The following AKR1D1 variants were observed in gnomAD, a reference collection of about 807,000 sequenced individuals.
AKR1D1 encodes the protein aldo-keto reductase family 1 member D1.
In AKR1D1, 32 loss-of-function variants were observed where a neutral mutation model predicts 42.6. The observed-to-expected ratio is 0.75, with a 90% CI of 0.57 to 1.01. The LOEUF (loss-of-function observed/expected upper bound fraction) is 1.01. AKR1D1 is among the 50% of genes least tolerant of loss of function. The pLI, the probability that AKR1D1 is intolerant of heterozygous loss-of-function variation, is 0.00. For missense variants in AKR1D1, 364 were observed against 402.2 expected, an observed-to-expected ratio of 0.91 and a Z score of 0.81; for synonymous variants, 123 against 135.5, an observed-to-expected ratio of 0.91 and a Z score of 0.64.
At chr7:138,078,275 T>A (rs1325604005) in intron 1 of AKR1D1, among the ~76,000 whole-genome samples, 1 of 152,166 alleles carries the variant, frequency 6.6e-6, no homozygotes, top group Admixed American at 6.5e-5. Context: ...AGTTGGAACT[T>A]CGTTCTATAG....
chr7:138,105,901 CAAAAAA>C (rs796444469), intron 5 of AKR1D1, among the ~76,000 whole-genome samples: 6 of 136,004 alleles, frequency 4.4e-5, no homozygotes, highest in Non-Finnish European at 6.2e-5. Flanking sequence ...ACAACAACAA[CAAAAAA>C]AAATCTAATG....
At position 138,118,089 on chromosome 7, in the gene AKR1D1, A is replaced by G. The variant is rs960050795; in HGVS notation, c.*1427A>G. Reference sequence around the variant, plus strand: ...TAGGTCACTGTCATACTGTCATAGGATGAGAGAGTTCTTCAAAAATTATGT... The same window carrying G: ...TAGGTCACTGTCATACTGTCATAGGGTGAGAGAGTTCTTCAAAAATTATGT... On this transcript the variant is annotated 3_prime_UTR_variant, in exon 9 of 9. Coordinates refer to ENST00000242375, the MANE Select transcript of AKR1D1 (RefSeq NM_005989.4). 1.3e-5 allele frequency: 2 copies of G among 152,200 alleles called. No homozygotes were observed. Among genetic ancestry groups the G allele is most frequent in the Non-Finnish European group, 2.9e-5 (2 of 68,038 alleles). The allele number at this position is 152,200 out of a possible 1,614,324, so 9.4% of individuals were successfully genotyped here. A position where few individuals can be genotyped will look rare whatever the true frequency, so the allele number is the denominator to read the frequency against.
intron 8 of AKR1D1, among the ~76,000 whole-genome samples, chr7:138,114,823 A>G (rs2035647): frequency 0.81 from 123,777 of 151,976 alleles, 50,818 homozygotes; most frequent in African/African-American, 0.91. Flanking sequence ...ATTCATCTTC[A>G]TCTTGAATCT....
At chr7:138,103,764 T>C (rs976930224) in intron 4 of AKR1D1, among the ~76,000 whole-genome samples, 6 of 152,088 alleles carry the variant, frequency 3.9e-5, no homozygotes, top group Non-Finnish European at 5.9e-5. Context: ...AAGATTGAAT[T>C]TACCAAAAAG....
chr7:138,109,182 A>G (rs893210073), intron 7 of AKR1D1, among the ~76,000 whole-genome samples: 1 of 152,242 alleles, frequency 6.6e-6, no homozygotes, highest in Non-Finnish European at 1.5e-5. Context: ...GATAGCCACA[A>G]TATTAGACAA....
intron 8 of AKR1D1, among the ~76,000 whole-genome samples, chr7:138,114,515 C>A (rs1397393923): frequency 2.0e-5 from 3 of 151,830 alleles, no homozygotes; most frequent in Non-Finnish European, 4.4e-5. Flanking sequence ...CAAAAATTAG[C>A]TGGGTGTAGT....
In AKR1D1 at chr7:138,116,802, G is replaced by A. The variant is rs1040974355; in HGVS notation, c.*140G>A. 1 of 763,434 alleles carries A rather than the reference G, an allele frequency of 1.3e-6. No individual in the cohort carries two copies. Among genetic ancestry groups the A allele is most frequent in the Non-Finnish European group, 2.2e-6 (1 of 462,330 alleles). 47.3% of individuals were successfully genotyped at this position (763,434 alleles called of 1,614,324 possible). On this transcript the variant is annotated 3_prime_UTR_variant, in exon 9 of 9. Coordinates refer to ENST00000242375, the MANE Select transcript of AKR1D1 (RefSeq NM_005989.4). ...AATGATGGAAACATGTTTAATGTTT[G>A]TGCAGTGTAAATGACTTTGACTCAG...
At chr7:138,088,451 C>A in intron 1 of AKR1D1, 150 bp from the exon 2 acceptor site, 1 of 959,966 alleles carries the variant, frequency 1.0e-6, no homozygotes, top group Non-Finnish European at 1.6e-6. Flanking sequence ...TCTCCTGCTG[C>A]TGAACACCAT....
At chr7:138,115,497 C>T (rs1189992441) in intron 8 of AKR1D1, among the ~76,000 whole-genome samples, 1 of 152,030 alleles carries the variant, frequency 6.6e-6, no homozygotes, top group Non-Finnish European at 1.5e-5. Flanking sequence ...GTTTTACAGA[C>T]AGTTGGTGAC....
intron 4 of AKR1D1, 131 bp from the exon 5 acceptor site, chr7:138,105,175 CT>C: frequency 7.7e-7 from 1 of 1,303,120 alleles, no homozygotes; most frequent in Non-Finnish European, 1.1e-6. Context: ...CCTTCTTTTA[CT>C]TTTTTTCGCA....
intron 7 of AKR1D1, 105 bp downstream of exon 7, chr7:138,107,685 T>C: frequency 8.0e-7 from 1 of 1,249,646 alleles, no homozygotes; most frequent in East Asian, 2.4e-5. Context: ...CTCTCATATT[T>C]TATTTTATAC....
At chr7:138,077,793 C>T (rs770583515) in intron 1 of AKR1D1, among the ~76,000 whole-genome samples, 4 of 152,222 alleles carry the variant, frequency 2.6e-5, no homozygotes, top group East Asian at 1.9e-4. Flanking sequence ...TTTGGCAATA[C>T]GAAGTATAGA....
intron 1 of AKR1D1, among the ~76,000 whole-genome samples, chr7:138,081,682 C>T (rs1803062023): frequency 6.6e-6 from 1 of 151,856 alleles, no homozygotes; most frequent in Admixed American, 6.6e-5. Flanking sequence ...GTGTGCACCA[C>T]AACACCCAGC....
rs185388884 is a variant in AKR1D1 at position 138,088,041 on chromosome 7, C to A, written c.94-560C>A. Among the ~76,000 whole-genome samples, 8 of 152,046 alleles carry A rather than the reference C, an allele frequency of 5.3e-5. No homozygotes were observed. In the South Asian group the frequency reaches 1.2e-3, roughly 24 times the overall value. ...AAGTAACTGGGACCACAGGCGCATG[C>A]CACCACATCCAGCTAATTACTTTAC... On this transcript the variant is annotated intron_variant, in intron 1 of 8. Coordinates refer to ENST00000242375, the MANE Select transcript of AKR1D1 (RefSeq NM_005989.4).
intron 2 of AKR1D1, 89 bp downstream of exon 2, chr7:138,088,857 T>TGTGTAA (rs398111935): frequency 1.5e-6 from 2 of 1,376,970 alleles, no homozygotes; most frequent in African/African-American, 2.9e-5. Flanking sequence ...TGTGTGTGTG[T>TGTGTAA]AATTGCACTC....
chr7:138,100,667 AAG>A (rs1405526471), intron 4 of AKR1D1, among the ~76,000 whole-genome samples: 4 of 151,364 alleles, frequency 2.6e-5, no homozygotes, highest in African/African-American at 9.7e-5. Flanking sequence ...CGAACAGAGA[AAG>A]AGAAAAATCC....
intron 1 of AKR1D1, among the ~76,000 whole-genome samples, chr7:138,084,688 C>T (rs1024037913): frequency 2.0e-5 from 3 of 151,806 alleles, no homozygotes; most frequent in Non-Finnish European, 2.9e-5. Flanking sequence ...TTGATCTTTC[C>T]GATTTTTTTC....
intron 6 of AKR1D1, 114 bp from the exon 7 acceptor site, chr7:138,107,301 G>A: frequency 9.3e-7 from 1 of 1,077,302 alleles, no homozygotes; most frequent in Non-Finnish European, 1.4e-6. Flanking sequence ...CAGGTGACCT[G>A]CAGTGTCCTG....
At chr7:138,088,102 G>A (rs1420927530) in intron 1 of AKR1D1, among the ~76,000 whole-genome samples, 1 of 151,902 alleles carries the variant, frequency 6.6e-6, no homozygotes, top group Non-Finnish European at 1.5e-5. Flanking sequence ...TGTTGCCCAG[G>A]CTGGTCTCAA....
Sources: allele counts gnomAD v4.1 joint callset (sites outside exome capture counted in the v4.1 genomes callset), GRCh38; gene constraint gnomAD v4.1.1; transcripts MANE v1.5; gene names NCBI Gene and HGNC (gene_info 2026-07-23, HGNC 2026-07-21).